CABLES1: variants seen among roughly 807,000 people sequenced by gnomAD.
The protein encoded by CABLES1 is CDK5 and ABL1 enzyme substrate 1.
Under a neutral mutation model 57.8 loss-of-function variants are expected in CABLES1, and 36 were observed. The observed-to-expected ratio is 0.62, with a 90% CI of 0.48 to 0.82. CABLES1 has a LOEUF of 0.82. CABLES1 is among the 40% of genes least tolerant of loss of function. The pLI, the probability that CABLES1 is intolerant of heterozygous loss-of-function variation, is 0.00. For missense variants in CABLES1, 767 were observed against 836.6 expected (o/e 0.92, Z 1.03); for synonymous variants, 374 against 363.0 (o/e 1.03, Z -0.35).
chr18:23,143,083 T>A (rs906879392), intron 1 of CABLES1, among the ~76,000 whole-genome samples: 1 of 152,198 alleles, frequency 6.6e-6, no homozygotes, highest in African/African-American at 2.4e-5. Flanking sequence ...GCTTGTTAAA[T>A]AGGCTTCAGC....
chr18:23,185,480 G>A (rs1598817416), intron 1 of CABLES1, among the ~76,000 whole-genome samples: 1 of 127,810 alleles, frequency 7.8e-6, no homozygotes, highest in Admixed American at 8.8e-5. Flanking sequence ...AGGGCTCACG[G>A]TCACATTGTT....
intron 1 of CABLES1, chr18:23,155,700 G>C (rs528494166): frequency 7.9e-6 from 6 of 755,684 alleles, no homozygotes; most frequent in East Asian, 5.9e-5. Context: ...GACCTCATGT[G>C]GTCTCCACGT....
chr18:23,257,250 G>A lies in CABLES1; in HGVS notation c.1785G>A (p.Leu595=), dbSNP rs2048191004. ...AGAAACTGGAAGAGAAGTTCCGGCT[G>A]AACAGGCGAGAACTGATTGCCTTTG... is the stretch of plus-strand genomic sequence containing the variant. ...LIDKLEEKFR[L]NRRELIAFEF... Residue 595 remains leucine (L), a synonymous_variant, in exon 10 of 10, where the codon CTG becomes CTA. Transcript: ENST00000256925. 1 of 1,605,222 alleles carries A rather than the reference G, an allele frequency of 6.2e-7. No individual in the cohort carries two copies. The highest frequency in any genetic ancestry group is 1.8e-5 in the Admixed American group (1 of 56,842).
rs1221728862 is a variant in CABLES1, at chr18:23,194,456, C to T, written c.926C>T (p.Thr309Ile). Residue 309 changes from threonine to isoleucine, a missense_variant, in exon 3 of 10, where the codon ACT (threonine) becomes ATT (isoleucine). Transcript: ENST00000256925. The part of the protein sequence containing the change: ...EENAPLRRCR[T>I]LSGSPRPKNF... ...ATGACTTTATTTTTCAGATGTCGAA[C>T]TCTCTCAGGTTCACCCAGACCAAAG... 1 of 1,608,174 alleles carries T rather than the reference C, an allele frequency of 6.2e-7. No homozygotes were observed. The highest frequency in any genetic ancestry group is 8.5e-7 in the Non-Finnish European group (1 of 1,174,596).
intron 4 of CABLES1, among the ~76,000 whole-genome samples, chr18:23,232,814 G>A (rs2047575904): frequency 2.0e-5 from 3 of 152,166 alleles, no homozygotes; most frequent in Non-Finnish European, 2.9e-5. Context: ...AAGGGAGCCG[G>A]CTCATTCATG....
chr18:23,178,567 G>C (rs1262523797), intron 1 of CABLES1, among the ~76,000 whole-genome samples: 1 of 152,190 alleles, frequency 6.6e-6, no homozygotes, highest in African/African-American at 2.4e-5. Flanking sequence ...TTGTTCCCAG[G>C]GGGTATCACT....
At chr18:23,170,718 G>A (rs2047076087) in intron 1 of CABLES1, among the ~76,000 whole-genome samples, 1 of 152,230 alleles carries the variant, frequency 6.6e-6, no homozygotes, top group African/African-American at 2.4e-5. Flanking sequence ...CGTTGTGAAA[G>A]TCTGCTTTGG....
chr18:23,177,975 A>G (rs2047136839), intron 1 of CABLES1, among the ~76,000 whole-genome samples: 1 of 152,180 alleles, frequency 6.6e-6, no homozygotes, highest in East Asian at 1.9e-4. Context: ...TTCAGAACAT[A>G]GGTAAGTTGG....
chr18:23,192,546 G>A (rs146776345), intron 2 of CABLES1, among the ~76,000 whole-genome samples: 2 of 152,306 alleles, frequency 1.3e-5, no homozygotes, highest in Admixed American at 6.5e-5. Context: ...CAGGATCTGC[G>A]AGCCGCCTGA....
At chr18:23,192,296 G>A (rs1180251148) in intron 2 of CABLES1, among the ~76,000 whole-genome samples, 1 of 152,248 alleles carries the variant, frequency 6.6e-6, no homozygotes, top group African/African-American at 2.4e-5. Context: ...TCCAGACTGG[G>A]TGGATGGATG....
intron 1 of CABLES1, among the ~76,000 whole-genome samples, chr18:23,142,048 C>T (rs982069975): frequency 6.6e-6 from 1 of 152,056 alleles, no homozygotes; most frequent in South Asian, 2.1e-4. Flanking sequence ...GCGGTTGGGA[C>T]AGATGAGCCT....
intron 4 of CABLES1, among the ~76,000 whole-genome samples, chr18:23,216,823 G>C (rs1021607191): frequency 6.6e-6 from 1 of 152,180 alleles, no homozygotes; most frequent in Non-Finnish European, 1.5e-5. Context: ...GCAGCCAGTT[G>C]GTGCTAGGAA....
intron 1 of CABLES1, among the ~76,000 whole-genome samples, chr18:23,152,498 T>TG (rs1422158238): frequency 6.6e-6 from 1 of 151,388 alleles, no homozygotes; most frequent in Non-Finnish European, 1.5e-5. Context: ...TTTTTTTTTT[T>TG]TTTTTTGAGA....
intron 4 of CABLES1, among the ~76,000 whole-genome samples, chr18:23,221,542 C>T (rs1387062125): frequency 6.6e-6 from 1 of 152,138 alleles, no homozygotes; most frequent in African/African-American, 2.4e-5. Flanking sequence ...GAAACCAGCA[C>T]AGACACCCAG....
chr18:23,162,179 C>CAAAG (rs112501592), intron 1 of CABLES1, among the ~76,000 whole-genome samples: 124,691 of 151,594 alleles, frequency 0.82, 51,678 homozygotes, highest in African/African-American at 0.91. Context: ...AAAAAAACAA[C>CAAAG]AAAGAGAATC....
At chr18:23,145,660 A>C (rs1032986649) in intron 1 of CABLES1, among the ~76,000 whole-genome samples, 4 of 152,222 alleles carry the variant, frequency 2.6e-5, no homozygotes, top group Non-Finnish European at 5.9e-5. Context: ...GAATCATGAA[A>C]TCATTAGCTA....
intron 1 of CABLES1, among the ~76,000 whole-genome samples, chr18:23,169,935 C>T (rs1223643676): frequency 6.6e-6 from 1 of 152,102 alleles, no homozygotes; most frequent in Non-Finnish European, 1.5e-5. Flanking sequence ...AGCCGGAGGG[C>T]AGGTGGCTCA....
At chr18:23,191,906 T>TAAAAAAAAAAAAA in intron 2 of CABLES1, among the ~76,000 whole-genome samples, 1 of 82,620 alleles carries the variant, frequency 1.2e-5, no homozygotes, top group Admixed American at 1.5e-4. Flanking sequence ...GTTGAATGCT[T>TAAAAAAAAAAAAA]AAAAAAAAAA....
At chr18:23,238,248 A>G (rs1040444172) in intron 7 of CABLES1, among the ~76,000 whole-genome samples, 10 of 152,216 alleles carry the variant, frequency 6.6e-5, no homozygotes, top group African/African-American at 2.4e-4. Flanking sequence ...GGAAACCCAG[A>G]TCTTCATTCA....
Sources: allele counts gnomAD v4.1 joint callset (sites outside exome capture counted in the v4.1 genomes callset), GRCh38; gene constraint gnomAD v4.1.1; transcripts MANE v1.5; gene names NCBI Gene and HGNC (gene_info 2026-07-23, HGNC 2026-07-21).